The following RIMS1 variants were observed in gnomAD, a reference collection of about 807,000 sequenced individuals.
RIMS1 encodes regulating synaptic membrane exocytosis 1.
A neutral mutation model predicts 214.1 loss-of-function variants in RIMS1; 83 were observed. That is an observed-to-expected ratio of 0.39 (90% CI 0.32 to 0.47). The LOEUF (loss-of-function observed/expected upper bound fraction) is 0.47. Ranked by LOEUF, RIMS1 falls within the 20% of genes least tolerant of loss-of-function variation. The pLI, the probability that RIMS1 is intolerant of heterozygous loss-of-function variation, is 0.99. For missense variants in RIMS1, 2,050 were observed against 2,161.8 expected, an observed-to-expected ratio of 0.95 and a Z score of 1.03; for synonymous variants, 793 against 786.8, an observed-to-expected ratio of 1.01 and a Z score of -0.13.
chr6:71,990,773 G>A (rs542765993), intron 2 of RIMS1, among the ~76,000 whole-genome samples: 20 of 151,938 alleles, frequency 1.3e-4, no homozygotes, highest in Non-Finnish European at 2.6e-4. Flanking sequence ...CACTCTGAGC[G>A]ACAGTTAGTG....
intron 2 of RIMS1, among the ~76,000 whole-genome samples, chr6:71,985,337 G>A (rs1799627674): frequency 6.6e-6 from 1 of 152,106 alleles, no homozygotes; most frequent in African/African-American, 2.4e-5. Context: ...GTTATAGTGG[G>A]CTGTGATACA....
chr6:72,070,801 C>A lies in RIMS1; in HGVS notation c.246-26148C>A, dbSNP rs546098667. ...GGAGGTTTTTGTGCATGTCAAGGAG[C>A]TTTGACAAAGGCCCTCACATTCACA... On this transcript the variant is annotated intron_variant, in intron 2 of 33. Transcript: ENST00000521978. Among the ~76,000 whole-genome samples the A allele has an allele frequency of 9.2e-5, 14 of 152,254 alleles. 2 individuals are homozygous for A. The highest frequency in any genetic ancestry group is 9.2e-4 in the Admixed American group (14 of 15,286).
intron 26 of RIMS1, among the ~76,000 whole-genome samples, chr6:72,296,923 C>T (rs2094147430): frequency 6.6e-6 from 1 of 151,784 alleles, no homozygotes; most frequent in South Asian, 2.1e-4. Context: ...CGACCTTTTC[C>T]TCTACATGTT....
At chr6:72,325,120 T>C (rs1365546501) in intron 28 of RIMS1, among the ~76,000 whole-genome samples, 1 of 151,906 alleles carries the variant, frequency 6.6e-6, no homozygotes, top group Non-Finnish European at 1.5e-5. Context: ...AATACTCTTA[T>C]CTTCCACAAT....
chr6:71,947,657 T>C (rs1788283212), intron 1 of RIMS1, among the ~76,000 whole-genome samples: 2 of 152,106 alleles, frequency 1.3e-5, no homozygotes, highest in Admixed American at 1.3e-4. Flanking sequence ...AATAACAATA[T>C]ATTGTATAAT....
At chr6:71,958,675 A>G (rs555467254) in intron 1 of RIMS1, among the ~76,000 whole-genome samples, 2 of 152,260 alleles carry the variant, frequency 1.3e-5, no homozygotes, top group African/African-American at 4.8e-5. Context: ...CAGATTTAAT[A>G]CATGACAGGT....
chr6:72,182,771 G>A lies in RIMS1; in HGVS notation c.1300G>A (p.Ala434Thr), dbSNP rs1247997299. The change falls in exon 6 of 34, where the codon GCG becomes ACG. Residue 434 changes from alanine (A) to threonine (T), a missense_variant. Physicochemically the swap from Ala to Thr is moderately conservative, Grantham distance 58 (BLOSUM62 0). Coordinates refer to ENST00000521978, the MANE Select transcript of RIMS1 (RefSeq NM_014989.7). ...SPRAYSAERT[A>T]ETRAPGAKQL... ...GCGGGCTTACTCGGCTGAGAGAACTGCGGAGACCAGGGCGCCGGGCGCCAA... is the reference window on the plus strand; with the variant it reads ...GCGGGCTTACTCGGCTGAGAGAACTACGGAGACCAGGGCGCCGGGCGCCAA... 3.2e-6 allele frequency: 5 copies of A among 1,544,944 alleles called. No homozygotes were observed. The East Asian group carries it at 1.2e-4, about 38-fold the overall frequency.
intron 2 of RIMS1, among the ~76,000 whole-genome samples, chr6:72,030,815 A>G (rs544947753): frequency 4.6e-5 from 7 of 152,248 alleles, no homozygotes; most frequent in Admixed American, 1.3e-4. Context: ...TTTCCATTCT[A>G]TTTTCACCAA....
At chr6:72,234,648 C>A (rs1287276894) in intron 7 of RIMS1, among the ~76,000 whole-genome samples, 1 of 151,970 alleles carries the variant, frequency 6.6e-6, no homozygotes, top group Non-Finnish European at 1.5e-5. Flanking sequence ...TTTATAATGT[C>A]ATGCGTCCAC....
chr6:72,141,349 T>C (rs1404831501), intron 4 of RIMS1, among the ~76,000 whole-genome samples: 1 of 151,960 alleles, frequency 6.6e-6, no homozygotes, highest in Non-Finnish European at 1.5e-5. Flanking sequence ...TTTAATGCTA[T>C]TAAATTTCCA....
intron 1 of RIMS1, among the ~76,000 whole-genome samples, chr6:71,965,532 A>C (rs1583648950): frequency 6.6e-6 from 1 of 152,176 alleles, no homozygotes; most frequent in East Asian, 1.9e-4. Context: ...CGTGCACTGA[A>C]GAGTGGAAGT....
chr6:72,188,275 A>G (rs1191325068), intron 6 of RIMS1, among the ~76,000 whole-genome samples: 3 of 152,334 alleles, frequency 2.0e-5, no homozygotes, highest in Middle Eastern at 3.4e-3. Flanking sequence ...ACCCTTGTCA[A>G]CTTGAACCCA....
At chr6:72,282,440 A>T (rs1435064930) in intron 23 of RIMS1, among the ~76,000 whole-genome samples, 2 of 152,046 alleles carry the variant, frequency 1.3e-5, no homozygotes, top group African/African-American at 4.8e-5. Flanking sequence ...AATAAAGTAA[A>T]TAAGAACCTT....
intron 28 of RIMS1, among the ~76,000 whole-genome samples, chr6:72,332,645 C>A (rs1031558467): frequency 6.7e-6 from 1 of 150,100 alleles, no homozygotes; most frequent in Admixed American, 6.7e-5. Context: ...TGTAACTAAC[C>A]TGCACATTGT....
intron 4 of RIMS1, among the ~76,000 whole-genome samples, chr6:72,162,310 G>C (rs1201229427): frequency 4.3e-5 from 6 of 140,104 alleles, no homozygotes; most frequent in East Asian, 4.1e-4. Flanking sequence ...TTCCTGAATA[G>C]AGCACACTGA....
intron 28 of RIMS1, among the ~76,000 whole-genome samples, chr6:72,323,221 C>T (rs1481062366): frequency 2.0e-5 from 3 of 151,936 alleles, no homozygotes; most frequent in Non-Finnish European, 4.4e-5. Context: ...AAAATAATAT[C>T]ATACAGAGCC....
intron 6 of RIMS1, among the ~76,000 whole-genome samples, chr6:72,188,291 A>G (rs2049466354): frequency 6.6e-6 from 1 of 152,222 alleles, no homozygotes. Flanking sequence ...ACCCATACAC[A>G]TCTGAAATCA....
intron 2 of RIMS1, among the ~76,000 whole-genome samples, chr6:72,016,012 T>C (rs1812631307): frequency 1.3e-5 from 2 of 152,166 alleles, no homozygotes; most frequent in African/African-American, 4.8e-5. Flanking sequence ...GATTATTTTA[T>C]TATGGAAGAT....
chr6:72,235,341 C>G (rs2063583731), intron 7 of RIMS1, among the ~76,000 whole-genome samples: 1 of 152,028 alleles, frequency 6.6e-6, no homozygotes, highest in African/African-American at 2.4e-5. Context: ...AAATCTCTCC[C>G]TACCCTTTCC....
Sources: gnomAD v4.1 joint callset for allele counts (sites outside exome capture counted in the v4.1 genomes callset) on GRCh38, gnomAD v4.1.1 for gene constraint, MANE v1.5 for transcripts, NCBI Gene and HGNC (gene_info 2026-07-23, HGNC 2026-07-21) for gene names.